CDC6: variants seen among roughly 807,000 people sequenced by gnomAD.
CDC6 encodes DNA replication factor CDC6.
Under a neutral mutation model 60.2 loss-of-function variants are expected in CDC6, and 46 were observed. The observed-to-expected ratio is 0.76, with a 90% CI of 0.60 to 0.98. CDC6 has a LOEUF of 0.98. Ranked by LOEUF, CDC6 falls within the 50% of genes least tolerant of loss-of-function variation. The probability of loss-of-function intolerance (pLI) is 0.00; values close to 1 mark genes in which losing one functional copy is unlikely to be tolerated. For missense variants in CDC6, 596 were observed against 652.9 expected, an observed-to-expected ratio of 0.91 and a Z score of 0.95; for synonymous variants, 210 against 233.2, an observed-to-expected ratio of 0.90 and a Z score of 0.90.
chr17:40,291,810 A>G, intron 4 of CDC6, 142 bp downstream of exon 4: 2 of 823,108 alleles, frequency 2.4e-6, no homozygotes, highest in Non-Finnish European at 4.0e-6. Flanking sequence ...CAGTGGCGCG[A>G]TCTCGGCTCA....
In CDC6 at chr17:40,291,572, A is replaced by C; in HGVS notation, c.564A>C (p.Glu188Asp). 6.2e-7 allele frequency: 1 copy of C among 1,614,178 alleles called. No individual in the cohort carries two copies. Among genetic ancestry groups the C allele is most frequent in the South Asian group, 1.1e-5 (1 of 91,080 alleles). The change falls in exon 4 of 12, where the codon GAA becomes GAC. Residue 188 changes from glutamate to aspartate, a missense_variant. Coordinates refer to ENST00000209728, the MANE Select transcript of CDC6 (RefSeq NM_001254.4). ...ATGTCATCAGGAATTTCTTGAGGGA[A>C]CACATCTGTGGGAAAAAAGCTGGAA... ...EMDVIRNFLREHICGKKAGSL... is the reference protein window; with the variant it reads ...EMDVIRNFLRDHICGKKAGSL...
intron 9 of CDC6, among the ~76,000 whole-genome samples, chr17:40,297,676 G>A (rs1194252107): frequency 2.0e-5 from 3 of 152,164 alleles, no homozygotes; most frequent in Admixed American, 6.5e-5. Context: ...GCTGAGGCAG[G>A]AGAATCACTT....
chr17:40,290,153 A>C (rs1379123297), intron 2 of CDC6, among the ~76,000 whole-genome samples: 2 of 152,108 alleles, frequency 1.3e-5, no homozygotes, highest in African/African-American at 4.8e-5. Context: ...TTAATACTGA[A>C]CTTAGTTCTG....
rs754409627 is a variant in CDC6, at chr17:40,301,881, A to C, written c.1594-31A>C. The C allele has an allele frequency of 5.8e-6, 8 of 1,370,162 alleles. No homozygotes were observed. In the South Asian group the frequency reaches 8.1e-5, roughly 14 times the overall value. The allele number at this position is 1,370,162 out of a possible 1,614,324, so 84.9% of individuals were successfully genotyped here. On this transcript the variant is annotated intron_variant, in intron 11 of 11. Coordinates refer to ENST00000209728, the MANE Select transcript of CDC6 (RefSeq NM_001254.4). ...ACAACTTTGCTTTTGTGAGTTCCCC[A>C]GTGTGAAAAATCCTTTTCTCTTCTT...
intron 9 of CDC6, among the ~76,000 whole-genome samples, chr17:40,298,455 C>A (rs962894060): frequency 6.6e-6 from 1 of 150,588 alleles, no homozygotes; most frequent in Non-Finnish European, 1.5e-5. Flanking sequence ...AGGCTGGAGT[C>A]CAGTGGTGCA....
rs1373900469 is a variant in CDC6 at position 40,291,344 on chromosome 17, G to A, written c.460+5G>A. On this transcript the variant is annotated splice_donor_5th_base_variant and intron_variant, in intron 3 of 11. Coordinates refer to ENST00000209728, the MANE Select transcript of CDC6 (RefSeq NM_001254.4). Reference sequence around the variant, plus strand: ...TGAGACTATTCAAGCAAGAAGGTTTGTTCTTACATGGCAACTGTTAGTGCA... The same window carrying A: ...TGAGACTATTCAAGCAAGAAGGTTTATTCTTACATGGCAACTGTTAGTGCA... 1 of 1,614,106 alleles carries A rather than the reference G, an allele frequency of 6.2e-7. No homozygotes were observed. Among genetic ancestry groups the A allele is most frequent in the East Asian group, 2.2e-5 (1 of 44,894 alleles).
intron 8 of CDC6, 41 bp downstream of exon 8, chr17:40,295,497 A>G (rs752579097): frequency 2.3e-6 from 3 of 1,320,892 alleles, no homozygotes; most frequent in African/African-American, 1.4e-5. Flanking sequence ...TAAAAAAAAA[A>G]AAAAAGAAAT....
chr17:40,301,316 A>C, intron 10 of CDC6, 152 bp from the exon 11 acceptor site: 1 of 809,272 alleles, frequency 1.2e-6, no homozygotes, highest in African/African-American at 1.7e-5. Flanking sequence ...GGGAATATCT[A>C]CAGAAGCCTG....
chr17:40,300,798 C>A, intron 9 of CDC6, 30 bp from the exon 10 acceptor site: 1 of 1,517,616 alleles, frequency 6.6e-7, no homozygotes, highest in South Asian at 1.1e-5. Context: ...TTTTAGAAAT[C>A]GAATTAAGCT....
Position 40,291,347 on chromosome 17 carries a change from C to T in CDC6, c.460+8C>T, listed in dbSNP as rs1458707987. 3.1e-6 allele frequency: 5 copies of T among 1,613,900 alleles called. No homozygotes were observed. Among genetic ancestry groups the T allele is most frequent in the Non-Finnish European group, 4.2e-6 (5 of 1,179,932 alleles). ...GACTATTCAAGCAAGAAGGTTTGTTCTTACATGGCAACTGTTAGTGCAGCC... is the reference window on the plus strand; with the variant it reads ...GACTATTCAAGCAAGAAGGTTTGTTTTTACATGGCAACTGTTAGTGCAGCC... On this transcript the variant is annotated splice_region_variant and intron_variant, in intron 3 of 11. Coordinates refer to ENST00000209728, the MANE Select transcript of CDC6 (RefSeq NM_001254.4).
intron 2 of CDC6, 47 bp downstream of exon 2, chr17:40,289,645 T>G: frequency 6.7e-7 from 1 of 1,491,668 alleles, no homozygotes; most frequent in African/African-American, 1.4e-5. Context: ...TCGTGACCTT[T>G]CTTTTCTTGG....
At chr17:40,289,197 T>C in intron 1 of CDC6, 2 of 509,314 alleles carry the variant, frequency 3.9e-6, no homozygotes, top group Non-Finnish European at 7.2e-6. Context: ...CTAAAGTGTT[T>C]ATAACAGCGC....
intron 8 of CDC6, among the ~76,000 whole-genome samples, chr17:40,296,450 A>G (rs1453506703): frequency 6.6e-6 from 1 of 152,190 alleles, no homozygotes; most frequent in Admixed American, 6.5e-5. Context: ...ATGTCCATGA[A>G]TTATTTCAAA....
chr17:40,289,542 C>T lies in CDC6; in HGVS notation c.122C>T (p.Thr41Ile). The change falls in exon 2 of 12, where the codon ACC becomes ATC. Residue 41 changes from threonine to isoleucine, a missense_variant. Physicochemically the swap from Thr to Ile is moderately conservative, Grantham distance 89. Transcript: ENST00000209728. ...AAACTAGAACCAACAAATGTCCAAA[C>T]CGTAACCTGTTCTCCTCGTGTAAAA... The part of the protein sequence containing the change: ...DAKLEPTNVQ[T>I]VTCSPRVKAL... The T allele has an allele frequency of 6.2e-7, 1 of 1,614,026 alleles. No individual in the cohort carries two copies.
chr17:40,292,393 G>T (rs1386568475), intron 4 of CDC6, among the ~76,000 whole-genome samples: 1 of 151,852 alleles, frequency 6.6e-6, no homozygotes, highest in Non-Finnish European at 1.5e-5. Flanking sequence ...CACTTTGGGA[G>T]GCTGAGGTGG....
intron 9 of CDC6, among the ~76,000 whole-genome samples, chr17:40,299,340 G>A (rs1278534777): frequency 6.6e-6 from 1 of 151,164 alleles, no homozygotes; most frequent in Non-Finnish European, 1.5e-5. Flanking sequence ...AGTAGCGATG[G>A]GGGAAACCCA....
At chr17:40,301,098 C>T in intron 10 of CDC6, 68 bp downstream of exon 10, 1 of 1,073,354 alleles carries the variant, frequency 9.3e-7, no homozygotes, top group Non-Finnish European at 1.5e-6. Flanking sequence ...CAGGTATTTT[C>T]CAAAAGGCCT....
Position 40,302,058 on chromosome 17 carries a change from C to A in CDC6, c.*57C>A. On this transcript the variant is annotated 3_prime_UTR_variant, in exon 12 of 12. Transcript: ENST00000209728. ...CAGCTGGCATTTAGAGAGCTACAGT[C>A]TTCATTTTAGTGCTTTACACATTCG... 9.8e-7 allele frequency: 1 copy of A among 1,016,824 alleles called. No individual in the cohort carries two copies. The highest frequency in any genetic ancestry group is 1.3e-5 in the South Asian group (1 of 78,984). The allele number at this position is 1,016,824 out of a possible 1,614,324, so 63.0% of individuals were successfully genotyped here. A position where few individuals can be genotyped will look rare whatever the true frequency, so the allele number is the denominator to read the frequency against.
At chr17:40,301,662 T>C (rs1464469838) in intron 11 of CDC6, 54 bp downstream of exon 11, 1 of 1,570,306 alleles carries the variant, frequency 6.4e-7, no homozygotes, top group Non-Finnish European at 8.8e-7. Flanking sequence ...TGTAGAGTGA[T>C]GCTAAAGTAA....
Sources: allele counts gnomAD v4.1 joint callset (sites outside exome capture counted in the v4.1 genomes callset), GRCh38; gene constraint gnomAD v4.1.1; transcripts MANE v1.5; gene names NCBI Gene and HGNC (gene_info 2026-07-23, HGNC 2026-07-21).